The following ADAMTS9 variants were observed in gnomAD, a reference collection of about 807,000 sequenced individuals.
ADAMTS9 encodes A disintegrin and metalloproteinase with thrombospondin motifs 9.
A neutral mutation model predicts 257.1 loss-of-function variants in ADAMTS9; 107 were observed. The observed-to-expected ratio is 0.42, with a 90% CI of 0.36 to 0.49. The LOEUF is 0.49. Among genes scored for constraint, ADAMTS9 ranks in the 20% least tolerant of loss-of-function variants. ADAMTS9 has a pLI of 0.03. For missense variants in ADAMTS9, 2,353 were observed against 2,469.1 expected (o/e 0.95, Z 1.00); for synonymous variants, 982 against 880.9 (o/e 1.11, Z -2.03).
intron 22 of ADAMTS9, among the ~76,000 whole-genome samples, chr3:64,612,057 C>G (rs1379252822): frequency 6.6e-6 from 1 of 152,136 alleles, no homozygotes; most frequent in Non-Finnish European, 1.5e-5. Context: ...TTAGCAACAA[C>G]TAATTTCTTC....
intron 26 of ADAMTS9, among the ~76,000 whole-genome samples, chr3:64,600,169 C>A (rs1019117216): frequency 4.7e-5 from 7 of 149,422 alleles, no homozygotes; most frequent in Non-Finnish European, 1.0e-4. Flanking sequence ...AAACTTGATT[C>A]CCATTCCCCA....
intron 23 of ADAMTS9, among the ~76,000 whole-genome samples, chr3:64,604,848 A>G (rs935348606): frequency 6.6e-6 from 1 of 152,250 alleles, no homozygotes; most frequent in Non-Finnish European, 1.5e-5. Context: ...CCTGGACTTC[A>G]TATAACACCC....
rs1417524431 is a variant in ADAMTS9, at chr3:64,578,083, A to T, written c.4357-9548T>A. On this transcript the variant is annotated intron_variant, in intron 28 of 39. Transcript: ENST00000498707. ...TATTAATGCCAACTCCAGAACTAAG[A>T]TTTGCATACGTGTCTGAGCCTGTAT... is the stretch of plus-strand genomic sequence containing the variant. Among the ~76,000 whole-genome samples the T allele has an allele frequency of 2.0e-5, 3 of 152,144 alleles. No individual in the cohort carries two copies. The East Asian group carries it at 5.8e-4, about 29-fold the overall frequency.
In ADAMTS9 at chr3:64,659,561, C is replaced by G. The variant is rs191306730; in HGVS notation, c.680-770G>C. On this transcript the variant is annotated intron_variant, in intron 3 of 39. Transcript: ENST00000498707. The stretch of plus-strand genomic sequence containing the variant: ...AATACAAAGAGGTCTGAGAAGTGGA[C>G]AGGCTAACAGACGATACAGAGGAAC... Among the ~76,000 whole-genome samples, 331 of 151,608 alleles carry G rather than the reference C, an allele frequency of 2.2e-3. 1 individual carries two copies. Among genetic ancestry groups the G allele is most frequent in the African/African-American group, 7.6e-3 (315 of 41,290 alleles).
intron 3 of ADAMTS9, among the ~76,000 whole-genome samples, chr3:64,680,892 G>C (rs759733251): frequency 2.0e-5 from 3 of 152,214 alleles, no homozygotes; most frequent in Non-Finnish European, 4.4e-5. Flanking sequence ...TATTACTCAA[G>C]GTTAAGCCTA....
At chr3:64,654,635 C>T (rs1189153736) in intron 6 of ADAMTS9, 23 bp from the exon 7 acceptor site, 2 of 1,613,308 alleles carry the variant, frequency 1.2e-6, no homozygotes, top group African/African-American at 1.3e-5. Flanking sequence ...CAGACTTAGG[C>T]CTTGATGACA....
chr3:64,558,981 T>C (rs2083379542), intron 30 of ADAMTS9, among the ~76,000 whole-genome samples: 1 of 151,980 alleles, frequency 6.6e-6, no homozygotes, highest in Non-Finnish European at 1.5e-5. Context: ...AAAGAATGGA[T>C]GTGAGAGGCG....
At chr3:64,537,661 G>C (rs2083068091) in intron 37 of ADAMTS9, among the ~76,000 whole-genome samples, 2 of 152,132 alleles carry the variant, frequency 1.3e-5, no homozygotes, top group South Asian at 2.1e-4. Context: ...CCATCCTATG[G>C]AGACAGGGCT....
chr3:64,587,050 C>T (rs548733546), intron 28 of ADAMTS9: 1 of 152,290 alleles, frequency 6.6e-6, no homozygotes, highest in Admixed American at 6.5e-5. Flanking sequence ...GAACTTATGG[C>T]CACGATGAAC....
In ADAMTS9 at chr3:64,541,821, T is replaced by A; in HGVS notation, c.5197+17A>T. On this transcript the variant is annotated intron_variant, in intron 33 of 39. Transcript: ENST00000498707. ...TTCTTCATGCTAAAGAAAGATAACTTCAGTTGGCCAACTTACAGTTATAGA... is the reference window on the plus strand; with the variant it reads ...TTCTTCATGCTAAAGAAAGATAACTACAGTTGGCCAACTTACAGTTATAGA... The A allele has an allele frequency of 4.3e-6, 7 of 1,613,990 alleles. No homozygotes were observed. The highest frequency in any genetic ancestry group is 5.9e-6 in the Non-Finnish European group (7 of 1,179,972).
intron 28 of ADAMTS9, among the ~76,000 whole-genome samples, chr3:64,578,335 G>A (rs1161888450): frequency 6.6e-6 from 1 of 151,334 alleles, no homozygotes; most frequent in East Asian, 1.9e-4. Flanking sequence ...AGGACGGGAT[G>A]AGCAGTAATA....
intron 3 of ADAMTS9, among the ~76,000 whole-genome samples, chr3:64,676,228 G>T (rs542321314): frequency 1.3e-5 from 2 of 152,222 alleles, no homozygotes; most frequent in South Asian, 4.2e-4. Flanking sequence ...CACTTCTAAG[G>T]TCCTAAGATC....
At chr3:64,539,495 G>T (rs11130968) in intron 36 of ADAMTS9, among the ~76,000 whole-genome samples, 1 of 151,720 alleles carries the variant, frequency 6.6e-6, no homozygotes, top group Non-Finnish European at 1.5e-5. Context: ...GTGGTTCTGC[G>T]AGCTTCATTC....
At chr3:64,587,179 C>T (rs1190480524) in intron 28 of ADAMTS9, 2 of 152,116 alleles carry the variant, frequency 1.3e-5, no homozygotes, top group African/African-American at 4.8e-5. Flanking sequence ...CTGTCCTCTG[C>T]ATTTTCTAAT....
At chr3:64,590,380 C>T (rs949573045) in intron 28 of ADAMTS9, among the ~76,000 whole-genome samples, 1 of 152,168 alleles carries the variant, frequency 6.6e-6, no homozygotes, top group African/African-American at 2.4e-5. Flanking sequence ...TTCTAATCCA[C>T]AGAGCCTACT....
intron 3 of ADAMTS9, among the ~76,000 whole-genome samples, chr3:64,666,171 G>A (rs1442710743): frequency 1.3e-5 from 2 of 152,074 alleles, no homozygotes; most frequent in Non-Finnish European, 2.9e-5. Context: ...TTCACTTCAC[G>A]TTGCAATACA....
At chr3:64,584,279 T>C (rs2084087743) in intron 28 of ADAMTS9, among the ~76,000 whole-genome samples, 1 of 151,958 alleles carries the variant, frequency 6.6e-6, no homozygotes. Flanking sequence ...AGAGATGCAA[T>C]AAAAGTCTAG....
At chr3:64,598,381 G>A (rs760782042) in intron 26 of ADAMTS9, among the ~76,000 whole-genome samples, 6 of 149,622 alleles carry the variant, frequency 4.0e-5, no homozygotes, top group Non-Finnish European at 5.9e-5. Flanking sequence ...ACAGTGGTGC[G>A]ATCACAGGTT....
At chr3:64,530,548 A>G (rs953003940) in intron 38 of ADAMTS9, among the ~76,000 whole-genome samples, 3 of 149,796 alleles carry the variant, frequency 2.0e-5, no homozygotes, top group African/African-American at 7.5e-5. Context: ...AAAAAAAAAA[A>G]ATGCCGACAG....
Sources: allele counts gnomAD v4.1 joint callset (sites outside exome capture counted in the v4.1 genomes callset), GRCh38; gene constraint gnomAD v4.1.1; transcripts MANE v1.5; gene names NCBI Gene and HGNC (gene_info 2026-07-23, HGNC 2026-07-21).